The following CPA4 variants were observed in gnomAD, a reference collection of about 807,000 sequenced individuals.
CPA4 encodes carboxypeptidase A3.
In CPA4, 49 loss-of-function variants were observed where a neutral mutation model predicts 54.7. The ratio of observed to expected loss-of-function variants is 0.90; its 90% CI spans 0.71 to 1.14. The LOEUF is 1.14. Ranked by LOEUF, CPA4 falls within the 50% of genes most tolerant of loss-of-function variation. CPA4 has a pLI of 0.00. For synonymous variants in CPA4, 215 were observed against 206.8 expected, an observed-to-expected ratio of 1.04 and a Z score of -0.34; for missense variants, 487 against 525.1, an observed-to-expected ratio of 0.93 and a Z score of 0.71.
chr7:130,299,596 G>A, intron 3 of CPA4, 192 bp downstream of exon 3: 1 of 565,864 alleles, frequency 1.8e-6, no homozygotes, highest in Non-Finnish European at 3.1e-6. Flanking sequence ...GGCATAAATA[G>A]GCCAGGGAAC....
chr7:130,320,217 A>G (rs1794068009), intron 10 of CPA4, among the ~76,000 whole-genome samples: 1 of 152,218 alleles, frequency 6.6e-6, no homozygotes, highest in Admixed American at 6.5e-5. Context: ...TGTTAATTGA[A>G]AAATACATGT....
chr7:130,313,866 G>C (rs989972943), intron 10 of CPA4, among the ~76,000 whole-genome samples: 2 of 152,208 alleles, frequency 1.3e-5, no homozygotes, highest in Non-Finnish European at 2.9e-5. Context: ...TGGAGATATG[G>C]AAAGAAAACA....
Position 130,314,918 on chromosome 7 carries a change from A to G in CPA4, c.1078+2796A>G, listed in dbSNP as rs191835317. Among the ~76,000 whole-genome samples the G allele has an allele frequency of 1.6e-4, 24 of 152,200 alleles. 1 individual carries two copies. Among genetic ancestry groups the G allele is most frequent in the Admixed American group, 1.4e-3 (22 of 15,276 alleles). Reference sequence around the variant, plus strand: ...TTTTCTTCGGGATTCGGGTGAGGTGAAGGGAAGTGGGTCCTATGGAGACAC... The same window carrying G: ...TTTTCTTCGGGATTCGGGTGAGGTGGAGGGAAGTGGGTCCTATGGAGACAC... On this transcript the variant is annotated intron_variant, in intron 10 of 10. Coordinates refer to ENST00000222482, the MANE Select transcript of CPA4 (RefSeq NM_016352.4).
At chr7:130,296,954 T>C (rs1793659791) in intron 1 of CPA4, among the ~76,000 whole-genome samples, 1 of 151,754 alleles carries the variant, frequency 6.6e-6, no homozygotes, top group South Asian at 2.1e-4. Flanking sequence ...TTATTTATTT[T>C]TAATTTTAGT....
At chr7:130,293,645 A>G (rs558113791) in intron 1 of CPA4, 41 of 205,252 alleles carry the variant, frequency 2.0e-4, no homozygotes, top group Non-Finnish European at 3.2e-4. Context: ...AATTTCCGCC[A>G]TGCATAAAGG....
intron 8 of CPA4, among the ~76,000 whole-genome samples, chr7:130,308,777 T>C (rs913468572): frequency 6.6e-6 from 1 of 151,364 alleles, no homozygotes. Context: ...GGTTTTGATC[T>C]CCTGACCTCA....
Position 130,322,613 on chromosome 7 carries a change from T to A in CPA4, c.1203T>A (p.Thr401=), listed in dbSNP as rs756405287. 4 of 1,614,190 alleles carry A rather than the reference T, an allele frequency of 2.5e-6. No individual in the cohort carries two copies. The Admixed American group carries it at 5.0e-5, about 20-fold the overall frequency. The part of the protein sequence containing the change: ...FLLPANQIIP[T]AEETWLGLKT... ...TGCCAGCTAACCAGATCATCCCCAC[T>A]GCAGAGGAGACGTGGCTGGGGCTGA... The change falls in exon 11 of 11, where the codon ACT becomes ACA. Residue 401 remains threonine (T), a synonymous_variant. Coordinates refer to ENST00000222482, the MANE Select transcript of CPA4 (RefSeq NM_016352.4).
intron 10 of CPA4, among the ~76,000 whole-genome samples, chr7:130,319,897 G>A (rs904546395): frequency 1.3e-5 from 2 of 152,158 alleles, no homozygotes; most frequent in African/African-American, 4.8e-5. Flanking sequence ...TTGGAAAGAT[G>A]CTTTCTTGGT....
intron 8 of CPA4, among the ~76,000 whole-genome samples, chr7:130,309,506 G>C (rs1450194791): frequency 1.3e-5 from 2 of 152,164 alleles, no homozygotes; most frequent in South Asian, 2.1e-4. Flanking sequence ...AGAGAATTAG[G>C]AGACCTGGGC....
At chr7:130,303,682 G>A (rs1319242663) in intron 4 of CPA4, among the ~76,000 whole-genome samples, 2 of 151,596 alleles carry the variant, frequency 1.3e-5, no homozygotes, top group African/African-American at 4.8e-5. Context: ...AGGCTGGAGT[G>A]CAGTGGTGCA....
intron 6 of CPA4, 80 bp downstream of exon 6, chr7:130,306,000 C>A: frequency 1.7e-6 from 2 of 1,199,344 alleles, no homozygotes; most frequent in Non-Finnish European, 2.5e-6. Context: ...GGGCCTGGGG[C>A]ACGAGGTGGG....
intron 10 of CPA4, 62 bp from the exon 11 acceptor site, chr7:130,322,427 C>T: frequency 1.4e-6 from 2 of 1,423,012 alleles, no homozygotes; most frequent in East Asian, 2.3e-5. Context: ...AGCTCTTGGC[C>T]CCTTCCCATC....
chr7:130,302,789 C>G (rs1200898895), intron 4 of CPA4, among the ~76,000 whole-genome samples: 1 of 152,118 alleles, frequency 6.6e-6, no homozygotes, highest in Non-Finnish European at 1.5e-5. Context: ...TTTTTGTGGC[C>G]CAAATTGCCC....
rs528468875 is a variant in CPA4 at position 130,306,111 on chromosome 7, C to T, written c.591+191C>T. On this transcript the variant is annotated intron_variant, in intron 6 of 10. Transcript: ENST00000222482. The stretch of plus-strand genomic sequence containing the variant: ...CAGCTCACTGCGGCCAAATTGATTG[C>T]GTTCCTGGTGGTGCACAAGCTGATA... The T allele has an allele frequency of 5.4e-5, 32 of 596,196 alleles. No individual in the cohort carries two copies. In the East Asian group the frequency reaches 6.2e-4, roughly 12 times the overall value. The allele number at this position is 596,196 out of a possible 1,614,324, so 36.9% of individuals were successfully genotyped here. A position where few individuals can be genotyped will look rare whatever the true frequency, so the allele number is the denominator to read the frequency against.
intron 4 of CPA4, among the ~76,000 whole-genome samples, chr7:130,303,794 ATTTT>A (rs10560933): frequency 2.1e-4 from 30 of 144,602 alleles, no homozygotes; most frequent in Admixed American, 2.8e-4. Flanking sequence ...GCAGCTGCCT[ATTTT>A]TTTTTTTTTT....
chr7:130,298,993 C>A (rs147990397), intron 2 of CPA4, among the ~76,000 whole-genome samples, 166 bp downstream of exon 2: 25 of 152,328 alleles, frequency 1.6e-4, no homozygotes, highest in African/African-American at 5.3e-4. Context: ...AGAGAGGGAG[C>A]ACATCACAGC....
chr7:130,306,663 G>A lies in CPA4; in HGVS notation c.592-124G>A, dbSNP rs775570964. ...TGAGGGTGGCAGGGAGGCTTTTGAGGGTGGATGCTGTTCTAGGAGCATTCA... is the reference window on the plus strand; with the variant it reads ...TGAGGGTGGCAGGGAGGCTTTTGAGAGTGGATGCTGTTCTAGGAGCATTCA... On this transcript the variant is annotated intron_variant, in intron 6 of 10. Transcript: ENST00000222482. 1.4e-5 allele frequency: 9 copies of A among 630,334 alleles called. No individual in the cohort carries two copies. In the South Asian group the frequency reaches 1.7e-4, roughly 12 times the overall value. The allele number at this position is 630,334 out of a possible 1,614,324, so 39.0% of individuals were successfully genotyped here.
intron 4 of CPA4, 106 bp from the exon 5 acceptor site, chr7:130,304,372 A>G: frequency 1.3e-6 from 1 of 780,712 alleles, no homozygotes; most frequent in Non-Finnish European, 2.3e-6. Context: ...TTCCAAGATT[A>G]GGGTCCCGGA....
intron 10 of CPA4, among the ~76,000 whole-genome samples, chr7:130,314,503 A>C (rs1202797028): frequency 1.3e-5 from 2 of 152,224 alleles, no homozygotes; most frequent in Non-Finnish European, 2.9e-5. Flanking sequence ...GGTTGTAGGA[A>C]GAGCTGCGTA....
Sources: allele counts gnomAD v4.1 joint callset (sites outside exome capture counted in the v4.1 genomes callset), GRCh38; gene constraint gnomAD v4.1.1; transcripts MANE v1.5; gene names NCBI Gene and HGNC (gene_info 2026-07-23, HGNC 2026-07-21).